The following ANKS1A variants were observed in gnomAD, a reference collection of about 807,000 sequenced individuals.
The protein encoded by ANKS1A is ankyrin repeat and SAM domain-containing protein 1A.
Under a neutral mutation model 120.3 loss-of-function variants are expected in ANKS1A, and 55 were observed. The ratio of observed to expected loss-of-function variants is 0.46; its 90% CI spans 0.37 to 0.57. ANKS1A has a LOEUF of 0.57. ANKS1A is among the 20% of genes least tolerant of loss of function. The probability of loss-of-function intolerance (pLI) is 0.00; values close to 1 mark genes in which losing one functional copy is unlikely to be tolerated. For synonymous variants in ANKS1A, 590 were observed against 604.7 expected (o/e 0.98, Z 0.36); for missense variants, 1,123 against 1,480.3 (o/e 0.76, Z 3.96).
chr6:34,992,656 CTTAA>C (rs1772638346), intron 9 of ANKS1A, among the ~76,000 whole-genome samples: 1 of 152,156 alleles, frequency 6.6e-6, no homozygotes, highest in Non-Finnish European at 1.5e-5. Context: ...TCTTTGTTCC[CTTAA>C]TTGTGTTCCT....
intron 11 of ANKS1A, 71 bp downstream of exon 11, chr6:35,018,130 G>A (rs1302368125): frequency 5.4e-6 from 8 of 1,468,494 alleles, no homozygotes; most frequent in Middle Eastern, 2.3e-4. Flanking sequence ...GCTCCCGTGA[G>A]TGCCAACTCT....
intron 13 of ANKS1A, among the ~76,000 whole-genome samples, chr6:35,064,418 C>G (rs2127593822): frequency 1.3e-5 from 2 of 152,316 alleles, no homozygotes; most frequent in South Asian, 4.1e-4. Flanking sequence ...GGCAGATAGG[C>G]CCCCGCTGTC....
chr6:35,028,301 G>A (rs1225224806), intron 11 of ANKS1A, among the ~76,000 whole-genome samples: 2 of 152,186 alleles, frequency 1.3e-5, no homozygotes. Flanking sequence ...TGGAACTTGG[G>A]TGCAGTGGCA....
intron 11 of ANKS1A, among the ~76,000 whole-genome samples, chr6:35,037,643 A>G (rs1775243641): frequency 6.6e-6 from 1 of 152,118 alleles, no homozygotes. Context: ...CTACTCACCT[A>G]GTGGGAGTAG....
At chr6:34,927,497 C>T (rs1033433980) in intron 1 of ANKS1A, among the ~76,000 whole-genome samples, 1 of 151,888 alleles carries the variant, frequency 6.6e-6, no homozygotes, top group Admixed American at 6.6e-5. Flanking sequence ...GATTTCTGAG[C>T]TGTGAAATGA....
chr6:35,072,365 C>T (rs143251922), intron 13 of ANKS1A, among the ~76,000 whole-genome samples: 8 of 152,344 alleles, frequency 5.3e-5, no homozygotes, highest in Non-Finnish European at 1.0e-4. Flanking sequence ...GACAGATACT[C>T]GCAGGAAGGA....
intron 10 of ANKS1A, among the ~76,000 whole-genome samples, chr6:35,001,718 G>A (rs1383350461): frequency 1.3e-5 from 2 of 152,216 alleles, no homozygotes; most frequent in African/African-American, 4.8e-5. Context: ...GAGCGGATGT[G>A]TGGTGGTATT....
intron 3 of ANKS1A, among the ~76,000 whole-genome samples, chr6:34,972,089 C>T (rs997642259): frequency 3.9e-5 from 6 of 152,154 alleles, no homozygotes; most frequent in African/African-American, 1.4e-4. Context: ...CATTAAAGTC[C>T]TTCTCATTTA....
intron 10 of ANKS1A, among the ~76,000 whole-genome samples, chr6:35,006,044 T>G (rs9380480): frequency 6.6e-6 from 1 of 151,592 alleles, no homozygotes; most frequent in Non-Finnish European, 1.5e-5. Context: ...AAAAATTAGC[T>G]GGGTGTGGTG....
intron 1 of ANKS1A, 114 bp from the exon 2 acceptor site, chr6:34,967,125 G>A: frequency 1.1e-6 from 1 of 928,460 alleles, no homozygotes; most frequent in South Asian, 1.5e-5. Context: ...GGAAGTAACT[G>A]GTCTGGTTGA....
chr6:34,968,395 A>G (rs758828772), intron 2 of ANKS1A, among the ~76,000 whole-genome samples: 2 of 152,170 alleles, frequency 1.3e-5, no homozygotes, highest in Non-Finnish European at 2.9e-5. Context: ...TTAAAGGAAA[A>G]CAAGTACTAT....
At chr6:34,923,921 A>G (rs180848863) in intron 1 of ANKS1A, among the ~76,000 whole-genome samples, 63 of 152,262 alleles carry the variant, frequency 4.1e-4, no homozygotes, top group African/African-American at 1.5e-3. Context: ...CAGAATGTCT[A>G]CACTTTTTTC....
chr6:35,068,829 C>G (rs1048089106), intron 13 of ANKS1A, among the ~76,000 whole-genome samples: 12 of 152,276 alleles, frequency 7.9e-5, no homozygotes, highest in Non-Finnish European at 1.8e-4. Context: ...AAGTGACCGT[C>G]TGAGAAGAGA....
chr6:34,936,099 G>C (rs563344318), intron 1 of ANKS1A, among the ~76,000 whole-genome samples: 1 of 152,040 alleles, frequency 6.6e-6, no homozygotes, highest in African/African-American at 2.4e-5. Context: ...CTTTCTCCTG[G>C]TGAAGTGGTG....
rs576622628 is a variant in ANKS1A at position 35,006,571 on chromosome 6, A to G, written c.1424-10902A>G. On this transcript the variant is annotated intron_variant, in intron 10 of 23. Transcript: ENST00000360359. ...AGATGGAGACCATCCTGGCTAACAA[A>G]GTGAAACCCTGTCTCTACTAAAAAT... 2.0e-5 allele frequency among the ~76,000 whole-genome samples: 3 copies of G among 152,002 alleles called. No individual in the cohort carries two copies. The East Asian group carries it at 5.8e-4, about 30-fold the overall frequency.
Position 34,981,588 on chromosome 6 carries a change from A to G in ANKS1A, c.436-102A>G, listed in dbSNP as rs866940370. On this transcript the variant is annotated intron_variant, in intron 3 of 23. Coordinates refer to ENST00000360359, the MANE Select transcript of ANKS1A (RefSeq NM_015245.3). The stretch of plus-strand genomic sequence containing the variant: ...TTATTAGCCCCCAAGTGTTGCTGCT[A>G]TTTTTCTCATTTAAACTTCAGTGGT... The G allele has an allele frequency of 5.4e-6, 7 of 1,288,582 alleles. No homozygotes were observed. The South Asian group carries it at 5.7e-5, about 11-fold the overall frequency. 79.8% of individuals were successfully genotyped at this position (1,288,582 alleles called of 1,614,324 possible). A position where few individuals can be genotyped will look rare whatever the true frequency, so the allele number is the denominator to read the frequency against.
chr6:34,960,400 T>C (rs1311333118), intron 1 of ANKS1A, among the ~76,000 whole-genome samples: 1 of 152,136 alleles, frequency 6.6e-6, no homozygotes, highest in Non-Finnish European at 1.5e-5. Flanking sequence ...GAGGGCAGAC[T>C]TTGTCTTTTT....
chr6:35,083,092 G>A, intron 18 of ANKS1A, 63 bp from the exon 19 acceptor site: 1 of 1,592,398 alleles, frequency 6.3e-7, no homozygotes, highest in Non-Finnish European at 8.6e-7. Flanking sequence ...TCCCAAATTG[G>A]TTGGGTCACC....
chr6:35,016,091 G>C (rs994620568), intron 10 of ANKS1A, among the ~76,000 whole-genome samples: 5 of 152,202 alleles, frequency 3.3e-5, no homozygotes, highest in African/African-American at 1.2e-4. Context: ...GGATTTTTAA[G>C]TATCATGCAG....
Sources: allele counts gnomAD v4.1 joint callset (sites outside exome capture counted in the v4.1 genomes callset), GRCh38; gene constraint gnomAD v4.1.1; transcripts MANE v1.5; gene names NCBI Gene and HGNC (gene_info 2026-07-23, HGNC 2026-07-21).